DCLRE1A: variants seen among roughly 807,000 people sequenced by gnomAD.
DCLRE1A encodes the protein DNA cross-link repair 1A protein.
Under a neutral mutation model 91.9 loss-of-function variants are expected in DCLRE1A, and 64 were observed. The ratio of observed to expected loss-of-function variants is 0.70; its 90% CI spans 0.57 to 0.86. The LOEUF (loss-of-function observed/expected upper bound fraction) is 0.86, where lower values mean the gene tolerates loss of function less well. Among genes scored for constraint, DCLRE1A ranks in the 40% least tolerant of loss-of-function variants. The pLI is 0.00. For missense variants in DCLRE1A, 1,145 were observed against 1,213.3 expected, an observed-to-expected ratio of 0.94 and a Z score of 0.84; for synonymous variants, 416 against 431.1, an observed-to-expected ratio of 0.96 and a Z score of 0.43.
chr10:113,851,011 T>C lies in DCLRE1A; in HGVS notation c.461-367A>G, dbSNP rs1207342012. 2.0e-5 allele frequency among the ~76,000 whole-genome samples: 3 copies of C among 152,192 alleles called. No individual in the cohort carries two copies. In the East Asian group the frequency reaches 5.8e-4, roughly 29 times the overall value. On this transcript the variant is annotated intron_variant, in intron 1 of 8. Coordinates refer to ENST00000361384, the MANE Select transcript of DCLRE1A (RefSeq NM_014881.5). ...CAAAAAAGATGTTATATTTGTTATA[T>C]TAAATTAGAAAACTTCATGGCTTAC...
Position 113,845,802 on chromosome 10 carries a change from A to G in DCLRE1A, c.2261T>C (p.Ile754Thr), listed in dbSNP as rs369145430. The change falls in exon 4 of 9, where the codon ATA (isoleucine) becomes ACA (threonine). Residue 754 changes from isoleucine (I) to threonine (T), a missense_variant and splice_region_variant. By Grantham distance (89) the Ile-to-Thr change is moderately conservative (BLOSUM62 -1). Transcript: ENST00000361384. ...CTTGTTCTTCAACAAATTGCCAGTT[A>G]TCTGCAAAACAGGACGTGCTTATTG... ...HFTFPVYCSEITGNLLKNKLH... is the reference protein window; with the variant it reads ...HFTFPVYCSETTGNLLKNKLH... 5 of 1,613,326 alleles carry G rather than the reference A, an allele frequency of 3.1e-6. No homozygotes were observed. The African/African-American group carries it at 6.7e-5, about 22-fold the overall frequency.
At chr10:113,848,630 A>G (rs1387334044) in intron 2 of DCLRE1A, among the ~76,000 whole-genome samples, 1 of 152,180 alleles carries the variant, frequency 6.6e-6, no homozygotes, top group Admixed American at 6.5e-5. Flanking sequence ...AAGCACTTAG[A>G]GGCTGCCTTT....
chr10:113,850,489 G>A lies in DCLRE1A; in HGVS notation c.616C>T (p.Leu206Phe), dbSNP rs1440098982. 6 of 1,613,992 alleles carry A rather than the reference G, an allele frequency of 3.7e-6. No individual in the cohort carries two copies. Among genetic ancestry groups the A allele is most frequent in the Non-Finnish European group, 5.1e-6 (6 of 1,180,000 alleles). The change falls in exon 2 of 9, where the codon CTT becomes TTT. Residue 206 changes from leucine to phenylalanine, a missense_variant. Coordinates refer to ENST00000361384, the MANE Select transcript of DCLRE1A (RefSeq NM_014881.5). ...GACCATCTTTCCTCAAGGCTACAAA[G>A]GACGCCTGACTTAGTCTCACTGAAA... ...GSFSETKSGV[L>F]CSLEERWSSY...
Position 113,853,422 on chromosome 10 carries a change from T to C in DCLRE1A, c.-240A>G. 2.5e-6 allele frequency: 1 copy of C among 406,406 alleles called. No homozygotes were observed. The allele number at this position is 406,406 out of a possible 1,614,324, so 25.2% of individuals were successfully genotyped here. A position where few individuals can be genotyped will look rare whatever the true frequency, so the allele number is the denominator to read the frequency against. On this transcript the variant is annotated 5_prime_UTR_variant, in exon 1 of 9. Transcript: ENST00000361384. Reference sequence around the variant, plus strand: ...CCACAATGAAACTAAGATAAACCTATCACAGGAGTAGCAACTGTGAAGTTC... The same window carrying C: ...CCACAATGAAACTAAGATAAACCTACCACAGGAGTAGCAACTGTGAAGTTC...
At position 113,841,587 on chromosome 10, in the gene DCLRE1A, T is replaced by C. The variant is rs201576081; in HGVS notation, c.2666-27A>G. The stretch of plus-strand genomic sequence containing the variant: ...TATGGGCAAAAGAAAAGATTAAAAA[T>C]AGTAAACTTACAGCTTGTGAAAAAA... On this transcript the variant is annotated intron_variant, in intron 6 of 8. Transcript: ENST00000361384. The C allele has an allele frequency of 8.9e-6, 14 of 1,579,034 alleles. No homozygotes were observed. In the South Asian group the frequency reaches 1.3e-4, roughly 15 times the overall value.
chr10:113,838,300 T>A (rs1222247151), intron 7 of DCLRE1A, among the ~76,000 whole-genome samples: 5 of 152,172 alleles, frequency 3.3e-5, no homozygotes, highest in Admixed American at 3.3e-4. Context: ...AAGAAAATAA[T>A]AAGAAACTGA....
chr10:113,852,705 C>T lies in DCLRE1A; in HGVS notation c.460+18G>A, dbSNP rs757470858. ...TTTTTAGATTATTTAGAAACTACTACGTTTTCTGCAGTCTTACCTGTTTCA... is the reference window on the plus strand; with the variant it reads ...TTTTTAGATTATTTAGAAACTACTATGTTTTCTGCAGTCTTACCTGTTTCA... On this transcript the variant is annotated intron_variant, in intron 1 of 8. Coordinates refer to ENST00000361384, the MANE Select transcript of DCLRE1A (RefSeq NM_014881.5). 12 of 1,593,886 alleles carry T rather than the reference C, an allele frequency of 7.5e-6. No homozygotes were observed. Among genetic ancestry groups the T allele is most frequent in the Admixed American group, 5.4e-5 (3 of 55,866 alleles).
intron 5 of DCLRE1A, among the ~76,000 whole-genome samples, 170 bp from the exon 6 acceptor site, chr10:113,842,658 TACTA>T (rs1041032555): frequency 7.2e-5 from 11 of 152,238 alleles, no homozygotes; most frequent in Non-Finnish European, 1.2e-4. Context: ...TGCCAGTTAC[TACTA>T]ACTTAAGATC....
intron 2 of DCLRE1A, among the ~76,000 whole-genome samples, 166 bp from the exon 3 acceptor site, chr10:113,847,501 A>G (rs1845558790): frequency 6.6e-6 from 1 of 152,258 alleles, no homozygotes; most frequent in East Asian, 1.9e-4. Context: ...TAAAGATGAG[A>G]ATGTCTTAAA....
At chr10:113,841,349 A>C (rs1845441979) in intron 7 of DCLRE1A, 57 bp downstream of exon 7, 1 of 1,575,738 alleles carries the variant, frequency 6.3e-7, no homozygotes, top group South Asian at 1.2e-5. Flanking sequence ...ATGAAGCTTA[A>C]AATAATCAGA....
chr10:113,841,480 T>A lies in DCLRE1A; in HGVS notation c.2746A>T (p.Ile916Phe). The A allele has an allele frequency of 6.2e-7, 1 of 1,613,740 alleles. No individual in the cohort carries two copies. Among genetic ancestry groups the A allele is most frequent in the Non-Finnish European group, 8.5e-7 (1 of 1,179,818 alleles). Reference sequence around the variant, plus strand: ...ATGTCGGTAGTGATGAGTGAATTAATTTCTGGTATATTGAGGCACTGTAGA... The same window carrying A: ...ATGTCGGTAGTGATGAGTGAATTAAATTCTGGTATATTGAGGCACTGTAGA... ...KTLQCLNIPE[I>F]NSLITTDMCS... The change falls in exon 7 of 9, where the codon ATT becomes TTT. Residue 916 changes from isoleucine to phenylalanine, a missense_variant. Transcript: ENST00000361384.
In DCLRE1A at chr10:113,847,245, G is replaced by C; in HGVS notation, c.2216C>G (p.Ala739Gly). The C allele has an allele frequency of 6.2e-7, 1 of 1,613,660 alleles. No homozygotes were observed. The highest frequency in any genetic ancestry group is 1.1e-5 in the South Asian group (1 of 91,036). The change falls in exon 3 of 9, where the codon GCT (alanine) becomes GGT (glycine). Residue 739 changes from alanine (A) to glycine (G), a missense_variant. Ala to Gly is a moderately conservative substitution (Grantham distance 60). Transcript: ENST00000361384. ...AAATGTGAAGTGTTTAGACAATCCA[G>C]CATAATGATCAGAATGAAAATGTGT... is the stretch of plus-strand genomic sequence containing the variant. Reference protein sequence around the residue: ...FLTHFHSDHYAGLSKHFTFPV... With the variant: ...FLTHFHSDHYGGLSKHFTFPV...
intron 7 of DCLRE1A, 33 bp from the exon 8 acceptor site, chr10:113,837,236 GGAGAC>G: frequency 6.3e-7 from 1 of 1,589,270 alleles, no homozygotes; most frequent in Non-Finnish European, 8.5e-7. Flanking sequence ...TGAGGTCAAT[GGAGAC>G]GAGTTATATG....
chr10:113,845,739 A>C lies in DCLRE1A; in HGVS notation c.2324T>G (p.Leu775Arg). ...ACCATTCACAATACATTCAGTGTCC[A>C]GTGGCAATGGGTGAATATATTGTTC... ...VQEQYIHPLP[L>R]DTECIVNGVK... Residue 775 changes from leucine to arginine, a missense_variant, in exon 4 of 9, where the codon CTG becomes CGG. Leu to Arg is a moderately radical substitution (Grantham distance 102). Coordinates refer to ENST00000361384, the MANE Select transcript of DCLRE1A (RefSeq NM_014881.5). 6.2e-7 allele frequency: 1 copy of C among 1,614,186 alleles called. No individual in the cohort carries two copies. Among genetic ancestry groups the C allele is most frequent in the Non-Finnish European group, 8.5e-7 (1 of 1,180,014 alleles).
In DCLRE1A at chr10:113,834,974, A is replaced by T; in HGVS notation, c.*178T>A. 1 of 610,806 alleles carries T rather than the reference A, an allele frequency of 1.6e-6. No individual in the cohort carries two copies. The highest frequency in any genetic ancestry group is 2.7e-6 in the Non-Finnish European group (1 of 371,944). 37.8% of individuals were successfully genotyped at this position (610,806 alleles called of 1,614,324 possible). The stretch of plus-strand genomic sequence containing the variant: ...GACCCAGTTTCAGTTATCCTTGATG[A>T]TGCTGAGAGGCATTCAGCACCACGA... On this transcript the variant is annotated 3_prime_UTR_variant, in exon 9 of 9. Coordinates refer to ENST00000361384, the MANE Select transcript of DCLRE1A (RefSeq NM_014881.5).
At chr10:113,835,740 G>T (rs1845351062) in intron 8 of DCLRE1A, among the ~76,000 whole-genome samples, 1 of 152,136 alleles carries the variant, frequency 6.6e-6, no homozygotes, top group Admixed American at 6.5e-5. Context: ...TTCGAGGCCA[G>T]CCTGGCCAAC....
At position 113,849,476 on chromosome 10, in the gene DCLRE1A, C is replaced by G. The variant is rs1281905795; in HGVS notation, c.1629G>C (p.Lys543Asn). 1.2e-6 allele frequency: 2 copies of G among 1,614,098 alleles called. No homozygotes were observed. Among genetic ancestry groups the G allele is most frequent in the Non-Finnish European group, 1.7e-6 (2 of 1,180,022 alleles). Residue 543 changes from lysine (K) to asparagine (N), a missense_variant, in exon 2 of 9, where the codon AAG becomes AAC. Transcript: ENST00000361384. ...KYLKILPSGL[K>N]YNARHPSTKV... ...TGGTAGAAGGATGTCTTGCATTATACTTAAGACCAGAAGGCAATATTTTCA... is the reference window on the plus strand; with the variant it reads ...TGGTAGAAGGATGTCTTGCATTATAGTTAAGACCAGAAGGCAATATTTTCA...
chr10:113,840,222 A>G (rs1845423932), intron 7 of DCLRE1A, among the ~76,000 whole-genome samples: 1 of 151,282 alleles, frequency 6.6e-6, no homozygotes, highest in Non-Finnish European at 1.5e-5. Context: ...TGAACCTGGG[A>G]GGCAGAGGTT....
At position 113,837,056 on chromosome 10, in the gene DCLRE1A, C is replaced by T. The variant is rs368449873; in HGVS notation, c.2962+6G>A. The T allele has an allele frequency of 7.3e-5, 117 of 1,594,456 alleles. No individual in the cohort carries two copies. In the African/African-American group the frequency reaches 1.5e-3, roughly 21 times the overall value. The stretch of plus-strand genomic sequence containing the variant: ...CACTAAAAGTGAGAAAATTTAATAA[C>T]TATACCATATATTGAAATGTTTCCT... On this transcript the variant is annotated splice_donor_region_variant and intron_variant, in intron 8 of 8. Coordinates refer to ENST00000361384, the MANE Select transcript of DCLRE1A (RefSeq NM_014881.5).
Sources: gnomAD v4.1 joint callset for allele counts (sites outside exome capture counted in the v4.1 genomes callset) on GRCh38, gnomAD v4.1.1 for gene constraint, MANE v1.5 for transcripts, NCBI Gene and HGNC (gene_info 2026-07-23, HGNC 2026-07-21) for gene names.